EXOC4: variants seen among roughly 807,000 people sequenced by gnomAD.
The protein encoded by EXOC4 is SEC8-like 1.
In EXOC4, 71 loss-of-function variants were observed where a neutral mutation model predicts 107.2. The ratio of observed to expected loss-of-function variants is 0.66; its 90% CI spans 0.55 to 0.81. The LOEUF (loss-of-function observed/expected upper bound fraction) is 0.81, where lower values mean the gene tolerates loss of function less well. Among genes scored for constraint, EXOC4 ranks in the 30% least tolerant of loss-of-function variants. EXOC4 has a pLI of 0.00. For missense variants in EXOC4, 1,108 were observed against 1,189.6 expected, an observed-to-expected ratio of 0.93 and a Z score of 1.01; for synonymous variants, 456 against 441.2, an observed-to-expected ratio of 1.03 and a Z score of -0.42.
chr7:133,728,807 A>T (rs1795268008), intron 10 of EXOC4, among the ~76,000 whole-genome samples: 1 of 152,148 alleles, frequency 6.6e-6, no homozygotes, highest in South Asian at 2.1e-4. Flanking sequence ...TTTCTCTAGC[A>T]TCCCTTCATC....
At chr7:133,670,170 C>T (rs1793914778) in intron 10 of EXOC4, among the ~76,000 whole-genome samples, 1 of 152,154 alleles carries the variant, frequency 6.6e-6, no homozygotes, top group African/African-American at 2.4e-5. Flanking sequence ...AAGGTGCATA[C>T]CACCCTCAGT....
chr7:133,315,852 C>T (rs1794979813), intron 4 of EXOC4, among the ~76,000 whole-genome samples: 1 of 152,144 alleles, frequency 6.6e-6, no homozygotes, highest in African/African-American at 2.4e-5. Flanking sequence ...TAGTTCATAT[C>T]TTAGTCATAC....
intron 5 of EXOC4, among the ~76,000 whole-genome samples, chr7:133,319,071 C>T (rs191979987): frequency 1.5e-3 from 230 of 152,224 alleles, no homozygotes; most frequent in Admixed American, 2.5e-3. Flanking sequence ...GTTGTTACAT[C>T]TTTGCTTTTT....
chr7:133,885,960 G>A (rs899168610), intron 11 of EXOC4, among the ~76,000 whole-genome samples: 7 of 152,138 alleles, frequency 4.6e-5, no homozygotes, highest in African/African-American at 1.7e-4. Flanking sequence ...TGGTGCTCAG[G>A]AAGGGGCTAA....
At position 133,961,280 on chromosome 7, in the gene EXOC4, CT is replaced by C. The variant is rs34400471; in HGVS notation, c.2206+23235del. ...TTAAACCAATGAGACTCATGTCAAA[CT>C]TTTTTTTTTTTTTTTTTTTTTTTGA... On this transcript the variant is annotated intron_variant, in intron 14 of 17. Coordinates refer to ENST00000253861, the MANE Select transcript of EXOC4 (RefSeq NM_021807.4). Among the ~76,000 whole-genome samples, 170 of 76,990 alleles carry C rather than the reference CT, an allele frequency of 2.2e-3. 1 individual carries two copies. Among genetic ancestry groups the C allele is most frequent in the African/African-American group, 7.5e-3 (137 of 18,334 alleles). The allele number at this position is 76,990 out of a possible 152,430, so 50.5% of individuals were successfully genotyped here.
chr7:133,726,162 C>A (rs1171454560), intron 10 of EXOC4, among the ~76,000 whole-genome samples: 1 of 152,030 alleles, frequency 6.6e-6, no homozygotes, highest in African/African-American at 2.4e-5. Flanking sequence ...GGAATAAGAT[C>A]TCCTAGAGAG....
At chr7:133,304,871 C>T (rs747375567) in intron 3 of EXOC4, among the ~76,000 whole-genome samples, 2 of 152,160 alleles carry the variant, frequency 1.3e-5, no homozygotes, top group African/African-American at 2.4e-5. Flanking sequence ...GGGAATAATA[C>T]GCATAGCATT....
intron 10 of EXOC4, among the ~76,000 whole-genome samples, chr7:133,763,286 T>A (rs1456351822): frequency 6.6e-6 from 1 of 152,120 alleles, no homozygotes; most frequent in African/African-American, 2.4e-5. Flanking sequence ...GAGTACCAAG[T>A]ATAAATGCTG....
At chr7:133,599,543 T>C (rs1031200141) in intron 9 of EXOC4, among the ~76,000 whole-genome samples, 1 of 152,222 alleles carries the variant, frequency 6.6e-6, no homozygotes, top group Non-Finnish European at 1.5e-5. Flanking sequence ...TCATGTGATA[T>C]ACTTTGCTGA....
At chr7:133,983,074 A>T (rs1471907449) in intron 14 of EXOC4, among the ~76,000 whole-genome samples, 1 of 152,188 alleles carries the variant, frequency 6.6e-6, no homozygotes, top group African/African-American at 2.4e-5. Context: ...GGGAGGCCTC[A>T]GGAAGCTTCC....
At chr7:133,478,561 A>G (rs772102145) in intron 8 of EXOC4, among the ~76,000 whole-genome samples, 59 of 152,306 alleles carry the variant, frequency 3.9e-4, no homozygotes, top group Middle Eastern at 3.4e-3. Flanking sequence ...AAATTATATC[A>G]GTCTGTGACT....
At chr7:133,322,227 G>T (rs1795129500) in intron 5 of EXOC4, among the ~76,000 whole-genome samples, 1 of 152,116 alleles carries the variant, frequency 6.6e-6, no homozygotes, top group South Asian at 2.1e-4. Context: ...AGTTTAATTA[G>T]ATCCCATTTG....
rs564630559 is a variant in EXOC4 at position 133,750,075 on chromosome 7, T to C, written c.1515-67250T>C. 3.4e-5 allele frequency among the ~76,000 whole-genome samples: 5 copies of C among 149,036 alleles called. No homozygotes were observed. In the South Asian group the frequency reaches 6.4e-4, roughly 19 times the overall value. ...TTTAAATTTAGCAGAAGTGAAGGAATGGTACAAGGCCTAATGTGTTTTTCT... is the reference window on the plus strand; with the variant it reads ...TTTAAATTTAGCAGAAGTGAAGGAACGGTACAAGGCCTAATGTGTTTTTCT... On this transcript the variant is annotated intron_variant, in intron 10 of 17. Coordinates refer to ENST00000253861, the MANE Select transcript of EXOC4 (RefSeq NM_021807.4).
chr7:133,562,532 TA>T (rs1169974619), intron 9 of EXOC4, among the ~76,000 whole-genome samples: 1 of 152,190 alleles, frequency 6.6e-6, no homozygotes, highest in African/African-American at 2.4e-5. Context: ...TCCTGACAAA[TA>T]GAGTTCTTTC....
chr7:133,807,720 C>T (rs188748670), intron 10 of EXOC4, among the ~76,000 whole-genome samples: 1 of 152,186 alleles, frequency 6.6e-6, no homozygotes, highest in Admixed American at 6.5e-5. Flanking sequence ...GTCAGCATCC[C>T]TTATTTATTT....
intron 9 of EXOC4, chr7:133,481,066 A>G (rs1799145227): frequency 6.6e-6 from 1 of 151,564 alleles, no homozygotes; most frequent in African/African-American, 2.4e-5. Flanking sequence ...AGAAAAAAAA[A>G]AAAACAACAA....
chr7:133,480,093 C>T lies in EXOC4; in HGVS notation c.1372C>T (p.Arg458Ter), dbSNP rs775370795. 5 of 1,613,830 alleles carry T rather than the reference C, an allele frequency of 3.1e-6. No individual in the cohort carries two copies. Among genetic ancestry groups the T allele is most frequent in the African/African-American group, 1.3e-5 (1 of 74,906 alleles). The part of the protein sequence containing the change: ...SHAISMSAYL[R>*]EQRRELYSRS... ...TGCCATCAGTATGAGCGCCTATCTG[C>T]GAGAACAGAGAAGGGAGCTCTATAG... Residue 458 changes from arginine to a stop codon, truncating the protein, a stop_gained, in exon 9 of 18, where the codon CGA becomes TGA. Transcript: ENST00000253861. LOFTEE classifies it high-confidence loss of function.
chr7:133,317,419 C>G, intron 5 of EXOC4, 29 bp downstream of exon 5: 2 of 1,444,342 alleles, frequency 1.4e-6, no homozygotes, highest in Non-Finnish European at 1.9e-6. Context: ...AGCCACTAAG[C>G]TTTTTAGTAT....
At chr7:133,837,208 C>G (rs559607909) in intron 11 of EXOC4, among the ~76,000 whole-genome samples, 1 of 152,082 alleles carries the variant, frequency 6.6e-6, no homozygotes, top group Non-Finnish European at 1.5e-5. Context: ...TTAGGAAGTG[C>G]GAAAATTTAA....
Sources: gnomAD v4.1 joint callset for allele counts (sites outside exome capture counted in the v4.1 genomes callset) on GRCh38, gnomAD v4.1.1 for gene constraint, MANE v1.5 for transcripts, NCBI Gene and HGNC (gene_info 2026-07-23, HGNC 2026-07-21) for gene names.